Variants in SSBP2 observed in about 807,000 individuals in gnomAD.
SSBP2 encodes the protein single stranded DNA binding protein 2, also known as single-stranded DNA-binding protein 2.
In SSBP2, 17 loss-of-function variants were observed where a neutral mutation model predicts 61.8. The ratio of observed to expected loss-of-function variants is 0.28; its 90% CI spans 0.19 to 0.41. The LOEUF is 0.41. SSBP2 is among the 10% of genes least tolerant of loss of function. The pLI is 1.00. For missense variants in SSBP2, 310 were observed against 458.7 expected, an observed-to-expected ratio of 0.68 and a Z score of 2.96; for synonymous variants, 139 against 141.3, an observed-to-expected ratio of 0.98 and a Z score of 0.12.
chr5:81,427,424 C>T (rs917836185), intron 16 of SSBP2, among the ~76,000 whole-genome samples: 10 of 152,042 alleles, frequency 6.6e-5, no homozygotes, highest in African/African-American at 2.4e-5. Flanking sequence ...TTAACAGAAA[C>T]GAACTCTAAA....
At chr5:81,434,497 C>T (rs964034213) in intron 15 of SSBP2, among the ~76,000 whole-genome samples, 5 of 151,742 alleles carry the variant, frequency 3.3e-5, no homozygotes, top group African/African-American at 1.2e-4. Flanking sequence ...TCTCTACAGG[C>T]ACATGCCTGT....
chr5:81,736,261 T>G (rs547120001), intron 1 of SSBP2, among the ~76,000 whole-genome samples: 9 of 151,988 alleles, frequency 5.9e-5, no homozygotes, highest in Admixed American at 1.3e-4. Flanking sequence ...AAGCACAAAA[T>G]TGGCGCTATG....
chr5:81,694,132 T>C (rs1486983714), intron 1 of SSBP2, among the ~76,000 whole-genome samples: 1 of 152,112 alleles, frequency 6.6e-6, no homozygotes, highest in Non-Finnish European at 1.5e-5. Flanking sequence ...ATTAAAACAA[T>C]TGAACTCATG....
chr5:81,727,710 A>G (rs980469984), intron 1 of SSBP2, among the ~76,000 whole-genome samples: 2 of 152,276 alleles, frequency 1.3e-5, no homozygotes, highest in Non-Finnish European at 2.9e-5. Context: ...ATAACTCATA[A>G]TTCATTCAAC....
chr5:81,648,588 G>C (rs1739180919), intron 2 of SSBP2, among the ~76,000 whole-genome samples: 1 of 152,036 alleles, frequency 6.6e-6, no homozygotes, highest in Non-Finnish European at 1.5e-5. Context: ...ATGTGCTGGG[G>C]ACCAAACTGG....
chr5:81,735,638 T>C (rs1756548357), intron 1 of SSBP2, among the ~76,000 whole-genome samples: 1 of 152,190 alleles, frequency 6.6e-6, no homozygotes, highest in Admixed American at 6.5e-5. Flanking sequence ...ATATTTTTAA[T>C]CCACTATTGG....
chr5:81,601,783 A>G (rs1259442983), intron 4 of SSBP2, among the ~76,000 whole-genome samples: 2 of 152,126 alleles, frequency 1.3e-5, no homozygotes, highest in African/African-American at 2.4e-5. Context: ...TAATCACCTA[A>G]ATCAGGTGAA....
intron 6 of SSBP2, among the ~76,000 whole-genome samples, chr5:81,481,634 A>AC (rs1554072516): frequency 5.3e-5 from 8 of 150,182 alleles, no homozygotes; most frequent in Admixed American, 6.6e-5. Context: ...AAAAAAAAAA[A>AC]CAAACTGAAA....
intron 4 of SSBP2, among the ~76,000 whole-genome samples, chr5:81,546,859 T>C (rs1771764460): frequency 2.0e-5 from 3 of 151,828 alleles, no homozygotes; most frequent in Admixed American, 6.6e-5. Flanking sequence ...GAACATTAAA[T>C]ATAAAATGTT....
At chr5:81,697,831 A>T (rs1433921899) in intron 1 of SSBP2, among the ~76,000 whole-genome samples, 2 of 152,186 alleles carry the variant, frequency 1.3e-5, no homozygotes, top group Non-Finnish European at 1.5e-5. Context: ...TCCAGTAATA[A>T]TTACTCAAAT....
intron 1 of SSBP2, among the ~76,000 whole-genome samples, chr5:81,667,018 A>G (rs776483964): frequency 2.0e-5 from 3 of 152,196 alleles, no homozygotes; most frequent in Non-Finnish European, 4.4e-5. Flanking sequence ...CTTGCTGTAA[A>G]CAACTAAAAA....
chr5:81,586,400 C>CT (rs1775056486), intron 4 of SSBP2, among the ~76,000 whole-genome samples: 2 of 151,980 alleles, frequency 1.3e-5, no homozygotes, highest in Middle Eastern at 3.4e-3. Flanking sequence ...TCACAAAAGC[C>CT]TTTTAAACAA....
At chr5:81,457,179 A>G (rs1479407969) in intron 10 of SSBP2, among the ~76,000 whole-genome samples, 2 of 152,208 alleles carry the variant, frequency 1.3e-5, no homozygotes, top group Non-Finnish European at 2.9e-5. Context: ...AAGAGCTTCA[A>G]TGTGCTCAGA....
intron 4 of SSBP2, among the ~76,000 whole-genome samples, chr5:81,604,255 CT>C (rs1208837769): frequency 0.011 from 1,544 of 138,480 alleles, 6 homozygotes; most frequent in Non-Finnish European, 0.015. Context: ...CTTTTCTTTT[CT>C]TTTTTTTTTT....
chr5:81,751,103 G>T (rs1581481401), upstream of SSBP2: 7 of 1,522,742 alleles, frequency 4.6e-6, no homozygotes, highest in African/African-American at 1.4e-5. Context: ...GCCTCCCCGG[G>T]AACAGCCCCG....
chr5:81,695,625 C>G (rs1259756863), intron 1 of SSBP2, among the ~76,000 whole-genome samples: 3 of 151,570 alleles, frequency 2.0e-5, no homozygotes, highest in African/African-American at 7.3e-5. Context: ...TCAAGGGTGA[C>G]TTTTAAATCT....
rs115466253 is a variant in SSBP2 at position 81,448,609 on chromosome 5, T to C, written c.723+181A>G. On this transcript the variant is annotated intron_variant, in intron 11 of 16. Coordinates refer to ENST00000320672, the MANE Select transcript of SSBP2 (RefSeq NM_012446.5). The stretch of plus-strand genomic sequence containing the variant: ...AGTACTCAGGGCAATTCTGGCCAGA[T>C]TGATAACTGTTTCACTAATGAACAT... 6.0e-3 allele frequency among the ~76,000 whole-genome samples: 908 copies of C among 152,300 alleles called. 7 individuals are homozygous for C. The highest frequency in any genetic ancestry group is 0.02 in the African/African-American group (839 of 41,570).
intron 1 of SSBP2, among the ~76,000 whole-genome samples, chr5:81,668,006 A>G (rs1751290643): frequency 6.6e-6 from 1 of 152,094 alleles, no homozygotes; most frequent in African/African-American, 2.4e-5. Context: ...CTTGGAGCCA[A>G]TCAGACAACC....
intron 1 of SSBP2, among the ~76,000 whole-genome samples, chr5:81,650,891 A>G (rs926836668): frequency 3.9e-5 from 6 of 152,170 alleles, no homozygotes; most frequent in African/African-American, 1.4e-4. Context: ...AAGGCATTCA[A>G]ATTCACAGCA....
Sources: allele counts gnomAD v4.1 joint callset (sites outside exome capture counted in the v4.1 genomes callset), GRCh38; gene constraint gnomAD v4.1.1; transcripts MANE v1.5; gene names NCBI Gene and HGNC (gene_info 2026-07-23, HGNC 2026-07-21).